KCNIP4: variants seen among roughly 807,000 people sequenced by gnomAD.
KCNIP4 encodes Kv channel-interacting protein 4.
In KCNIP4, 12 loss-of-function variants were observed where a neutral mutation model predicts 34.0. That is an observed-to-expected ratio of 0.35 (90% CI 0.23 to 0.57). The LOEUF is 0.57. KCNIP4 is among the 20% of genes least tolerant of loss of function. The pLI, the probability that KCNIP4 is intolerant of heterozygous loss-of-function variation, is 0.83. For missense variants in KCNIP4, 238 were observed against 311.7 expected, an observed-to-expected ratio of 0.76 and a Z score of 1.78; for synonymous variants, 124 against 102.2, an observed-to-expected ratio of 1.21 and a Z score of -1.29.
chr4:21,231,710 CT>C (rs1315444264), intron 1 of KCNIP4, among the ~76,000 whole-genome samples: 1 of 152,138 alleles, frequency 6.6e-6, no homozygotes, highest in East Asian at 1.9e-4. Flanking sequence ...TTAGAAATTT[CT>C]GCCTATTCTT....
At chr4:21,915,999 A>G (rs1728608846) in intron 1 of KCNIP4, among the ~76,000 whole-genome samples, 2 of 152,196 alleles carry the variant, frequency 1.3e-5, no homozygotes, top group Admixed American at 1.3e-4. Context: ...CAAACTGCTG[A>G]TTCCCAGCCA....
chr4:21,837,459 C>T lies in KCNIP4; in HGVS notation c.61+111112G>A, dbSNP rs1381794949. On this transcript the variant is annotated intron_variant, in intron 1 of 8. Transcript: ENST00000382152. ...CTGAGGCAGGAGAATCACTTGAACC[C>T]GGAGGTGGAGGTTGCAGTGAGCTGA... Among the ~76,000 whole-genome samples the T allele has an allele frequency of 7.3e-5, 10 of 137,322 alleles. No individual in the cohort carries two copies. The South Asian group carries it at 1.2e-3, about 16-fold the overall frequency. The allele number at this position is 137,322 out of a possible 152,430, so 90.1% of individuals were successfully genotyped here. A position where few individuals can be genotyped will look rare whatever the true frequency, so the allele number is the denominator to read the frequency against.
At chr4:21,460,587 A>C (rs1181623856) in intron 1 of KCNIP4, among the ~76,000 whole-genome samples, 1 of 152,070 alleles carries the variant, frequency 6.6e-6, no homozygotes, top group Middle Eastern at 3.2e-3. Flanking sequence ...CTAACATGGC[A>C]GAGAGAGAGA....
chr4:21,513,643 T>G (rs933960759), intron 1 of KCNIP4, among the ~76,000 whole-genome samples: 1 of 152,226 alleles, frequency 6.6e-6, no homozygotes, highest in African/African-American at 2.4e-5. Context: ...AGTGGAATAG[T>G]GTAACATAGG....
chr4:21,512,423 C>A (rs1734415675), intron 1 of KCNIP4, among the ~76,000 whole-genome samples: 1 of 151,910 alleles, frequency 6.6e-6, no homozygotes, highest in Admixed American at 6.6e-5. Context: ...GGCATTCAGA[C>A]AAAAGGTTAG....
intron 1 of KCNIP4, among the ~76,000 whole-genome samples, chr4:21,415,626 C>T (rs756618418): frequency 3.3e-5 from 5 of 151,906 alleles, no homozygotes; most frequent in African/African-American, 4.8e-5. Context: ...CACTTGAATC[C>T]GGGAGACAGA....
chr4:20,955,530 T>A (rs1481916830), intron 1 of KCNIP4, among the ~76,000 whole-genome samples: 1 of 152,154 alleles, frequency 6.6e-6, no homozygotes, highest in African/African-American at 2.4e-5. Context: ...TTCTGATTGA[T>A]GGTGGGGCCA....
intron 1 of KCNIP4, among the ~76,000 whole-genome samples, chr4:20,912,320 T>TA (rs774709809): frequency 6.6e-6 from 1 of 152,064 alleles, no homozygotes; most frequent in South Asian, 2.1e-4. Context: ...AAATTAGAGA[T>TA]AAAAAATGAA....
rs974784174 is a variant in KCNIP4 at position 21,167,441 on chromosome 4, G to A, written c.62-284732C>T. Among the ~76,000 whole-genome samples the A allele has an allele frequency of 3.3e-5, 5 of 152,076 alleles. 1 individual carries two copies. Among genetic ancestry groups the A allele is most frequent in the South Asian group, 4.2e-4 (2 of 4,818 alleles). On this transcript the variant is annotated intron_variant, in intron 1 of 8. Coordinates refer to ENST00000382152, the MANE Select transcript of KCNIP4 (RefSeq NM_025221.6). ...AATCAAAATATTTTGCAGATGCATC[G>A]AATTCTCTGCTTCCTATCATTTAGT... is the stretch of plus-strand genomic sequence containing the variant.
In KCNIP4 at chr4:21,681,898, A is replaced by ATT. The variant is rs201979699; in HGVS notation, c.61+266671_61+266672dup. 2.7e-3 allele frequency among the ~76,000 whole-genome samples: 399 copies of ATT among 150,246 alleles called. 1 individual carries two copies. The highest frequency in any genetic ancestry group is 7.8e-3 in the African/African-American group (319 of 40,754). ...CTTTTTTTTTTATTTTTATTTATTTATTTTTTTTGAGACAGAGCCTCACTC... is the reference window on the plus strand; with the variant it reads ...CTTTTTTTTTTATTTTTATTTATTTATTTTTTTTTTGAGACAGAGCCTCACTC... On this transcript the variant is annotated intron_variant, in intron 1 of 8. Coordinates refer to ENST00000382152, the MANE Select transcript of KCNIP4 (RefSeq NM_025221.6).
chr4:21,064,291 T>G lies in KCNIP4; in HGVS notation c.62-181582A>C, dbSNP rs1165465258. Among the ~76,000 whole-genome samples, 3 of 152,116 alleles carry G rather than the reference T, an allele frequency of 2.0e-5. No homozygotes were observed. The East Asian group carries it at 5.8e-4, about 29-fold the overall frequency. On this transcript the variant is annotated intron_variant, in intron 1 of 8. Transcript: ENST00000382152. ...GAAAAAGAAATGTCTCTTACATATATTATACAGACAAGTGGCTTCCAAACA... is the reference window on the plus strand; with the variant it reads ...GAAAAAGAAATGTCTCTTACATATAGTATACAGACAAGTGGCTTCCAAACA...
chr4:21,044,738 T>C (rs996676807), intron 1 of KCNIP4, among the ~76,000 whole-genome samples: 1 of 152,180 alleles, frequency 6.6e-6, no homozygotes, highest in African/African-American at 2.4e-5. Context: ...CTCCTGGGAC[T>C]CTTTCTCTGC....
At chr4:21,902,069 G>A (rs911383949) in intron 1 of KCNIP4, among the ~76,000 whole-genome samples, 1 of 152,118 alleles carries the variant, frequency 6.6e-6, no homozygotes, top group African/African-American at 2.4e-5. Context: ...TTCAACTTTT[G>A]AAATGTTTGA....
At chr4:20,837,687 T>TA (rs60009714) in intron 3 of KCNIP4, among the ~76,000 whole-genome samples, 25 of 53,984 alleles carry the variant, frequency 4.6e-4, no homozygotes, top group African/African-American at 2.3e-3. Context: ...TATATATATA[T>TA]TTTTTTTTCC....
At chr4:21,165,536 T>C (rs1010807057) in intron 1 of KCNIP4, among the ~76,000 whole-genome samples, 7 of 147,296 alleles carry the variant, frequency 4.8e-5, no homozygotes, top group African/African-American at 7.4e-5. Flanking sequence ...CCTCACACCA[T>C]GTACAAAAAT....
chr4:20,761,328 T>G (rs1754939109), intron 3 of KCNIP4, among the ~76,000 whole-genome samples: 1 of 152,204 alleles, frequency 6.6e-6, no homozygotes, highest in Admixed American at 6.5e-5. Context: ...TCCATTTCTC[T>G]GAAGGACCCT....
chr4:21,901,782 C>T (rs1727717063), intron 1 of KCNIP4, among the ~76,000 whole-genome samples: 1 of 151,860 alleles, frequency 6.6e-6, no homozygotes, highest in South Asian at 2.1e-4. Flanking sequence ...TACAAGGGGT[C>T]ATTTGAAAGT....
At chr4:21,387,739 G>A (rs565223698) in intron 1 of KCNIP4, among the ~76,000 whole-genome samples, 1 of 152,202 alleles carries the variant, frequency 6.6e-6, no homozygotes, top group South Asian at 2.1e-4. Context: ...AAACCAGAAT[G>A]AGTTAGTCAC....
intron 1 of KCNIP4, among the ~76,000 whole-genome samples, chr4:21,315,859 CTGG>C (rs1454645346): frequency 3.9e-5 from 6 of 152,126 alleles, no homozygotes. Context: ...TGGTATTTTG[CTGG>C]TATATTTCAT....
Sources: gnomAD v4.1 joint callset for allele counts (sites outside exome capture counted in the v4.1 genomes callset) on GRCh38, gnomAD v4.1.1 for gene constraint, MANE v1.5 for transcripts, NCBI Gene and HGNC (gene_info 2026-07-23, HGNC 2026-07-21) for gene names.